Variants in DPH6 observed in about 807,000 individuals in gnomAD.
The protein encoded by DPH6 is diphthine--ammonia ligase.
A neutral mutation model predicts 38.2 loss-of-function variants in DPH6; 33 were observed. The observed-to-expected ratio is 0.86, with a 90% CI of 0.65 to 1.15. The LOEUF is 1.15. Among genes scored for constraint, DPH6 ranks in the 50% most tolerant of loss-of-function variants. The pLI is 0.00. For missense variants in DPH6, 325 were observed against 320.0 expected (o/e 1.02, Z -0.12); for synonymous variants, 108 against 103.0 (o/e 1.05, Z -0.30).
the DPH6 span, among the ~76,000 whole-genome samples, chr15:35,167,423 C>G: frequency 4.0e-5 from 6 of 148,814 alleles, no homozygotes; most frequent in South Asian, 1.3e-3. Context: ...AGATATGTCA[C>G]TCTAACTTTC....
At chr15:35,322,391 G>A (rs1019055153) in intron 3 of DPH6, among the ~76,000 whole-genome samples, 1 of 152,214 alleles carries the variant, frequency 6.6e-6, no homozygotes, top group African/African-American at 2.4e-5. Context: ...TTCCTCCCAA[G>A]GTTAGCTTGG....
the DPH6 span, among the ~76,000 whole-genome samples, chr15:35,212,182 C>A: frequency 1.3e-5 from 2 of 152,008 alleles, no homozygotes; most frequent in Admixed American, 6.6e-5. Context: ...GCAAAACTGG[C>A]AGAGTTTTTG....
chr15:35,467,070 T>G (rs994830767), intron 3 of DPH6, among the ~76,000 whole-genome samples: 1 of 152,200 alleles, frequency 6.6e-6, no homozygotes, highest in East Asian at 1.9e-4. Flanking sequence ...CTTCCTTAAA[T>G]AATAAATTAA....
the DPH6 span, among the ~76,000 whole-genome samples, chr15:35,156,536 G>A: frequency 6.6e-6 from 1 of 152,186 alleles, no homozygotes; most frequent in Non-Finnish European, 1.5e-5. Context: ...AGGGGGTAGA[G>A]GATGGAAAGG....
chr15:35,466,818 T>C (rs1003908214), intron 3 of DPH6, among the ~76,000 whole-genome samples: 2 of 152,156 alleles, frequency 1.3e-5, no homozygotes, highest in Non-Finnish European at 2.9e-5. Flanking sequence ...CAATGGTAAA[T>C]ATTTGGGTAT....
At chr15:35,384,018 T>A (rs1248500703) in intron 6 of DPH6, among the ~76,000 whole-genome samples, 1 of 152,240 alleles carries the variant, frequency 6.6e-6, no homozygotes, top group African/African-American at 2.4e-5. Context: ...GACACTTATT[T>A]ATGGTGTACA....
At chr15:35,309,385 T>A (rs1433323497) in intron 3 of DPH6, among the ~76,000 whole-genome samples, 1 of 152,220 alleles carries the variant, frequency 6.6e-6, no homozygotes, top group Non-Finnish European at 1.5e-5. Flanking sequence ...CAACCCATCC[T>A]AGAGCTAGCA....
intron 6 of DPH6, chr15:35,400,826 T>C (rs1464262569): frequency 3.9e-6 from 3 of 767,160 alleles, no homozygotes; most frequent in Non-Finnish European, 7.1e-6. Flanking sequence ...TGTGTGATAA[T>C]GAGAGATCCA....
At chr15:35,198,747 T>G in the DPH6 span, among the ~76,000 whole-genome samples, 1 of 152,228 alleles carries the variant, frequency 6.6e-6, no homozygotes, top group Non-Finnish European at 1.5e-5. Flanking sequence ...AAAATCATCA[T>G]GCAAGAAAGT....
intron 3 of DPH6, among the ~76,000 whole-genome samples, chr15:35,281,111 C>A (rs914923464): frequency 7.9e-5 from 12 of 152,064 alleles, no homozygotes; most frequent in African/African-American, 2.2e-4. Flanking sequence ...CCCCTCCCCC[C>A]ACAAATATGA....
At chr15:35,381,725 T>C in intron 7 of DPH6, 97 bp downstream of exon 7, 1 of 885,718 alleles carries the variant, frequency 1.1e-6, no homozygotes, top group Non-Finnish European at 1.8e-6. Context: ...AGACATGTTC[T>C]ATTTTTCCCA....
At chr15:35,436,855 C>T (rs759526598) in intron 5 of DPH6, among the ~76,000 whole-genome samples, 6 of 151,316 alleles carry the variant, frequency 4.0e-5, no homozygotes, top group South Asian at 2.1e-4. Flanking sequence ...GCCAGGACAC[C>T]CTTTTCTCTC....
intron 3 of DPH6, among the ~76,000 whole-genome samples, chr15:35,291,697 T>C (rs1312387807): frequency 6.6e-6 from 1 of 152,194 alleles, no homozygotes; most frequent in African/African-American, 2.4e-5. Context: ...CTACAAAAGA[T>C]GATGTGATAT....
intron 6 of DPH6, among the ~76,000 whole-genome samples, chr15:35,386,676 A>T (rs1423270879): frequency 1.3e-5 from 2 of 152,090 alleles, no homozygotes. Context: ...TTCTTTGCCA[A>T]TTTTTTGATG....
At chr15:35,362,961 C>CT (rs1298085704) in intron 3 of DPH6, among the ~76,000 whole-genome samples, 1 of 152,162 alleles carries the variant, frequency 6.6e-6, no homozygotes, top group Non-Finnish European at 1.5e-5. Flanking sequence ...TTCTAGCCAT[C>CT]TTTTTTATTA....
At chr15:35,289,761 G>A (rs933063134) in intron 3 of DPH6, among the ~76,000 whole-genome samples, 2 of 152,172 alleles carry the variant, frequency 1.3e-5, no homozygotes, top group African/African-American at 4.8e-5. Context: ...CTTTATGAAT[G>A]TTTCCTGAAA....
intron 3 of DPH6, among the ~76,000 whole-genome samples, chr15:35,276,944 T>A (rs1160185822): frequency 6.6e-6 from 1 of 152,062 alleles, no homozygotes; most frequent in Non-Finnish European, 1.5e-5. Context: ...ATTTTAGGAT[T>A]TTTTTTCTGA....
At chr15:35,495,598 A>C (rs1415323967) in intron 3 of DPH6, among the ~76,000 whole-genome samples, 1 of 152,202 alleles carries the variant, frequency 6.6e-6, no homozygotes, top group African/African-American at 2.4e-5. Flanking sequence ...AAGAAGGCCC[A>C]AATAAATGGA....
intron 6 of DPH6, among the ~76,000 whole-genome samples, chr15:35,403,282 TCTG>T (rs957541855): frequency 2.0e-5 from 3 of 152,266 alleles, no homozygotes; most frequent in South Asian, 2.1e-4. Context: ...TTTTTATTTT[TCTG>T]CTGTTTTGTT....
Sources: gnomAD v4.1 joint callset for allele counts (sites outside exome capture counted in the v4.1 genomes callset) on GRCh38, gnomAD v4.1.1 for gene constraint, MANE v1.5 for transcripts, NCBI Gene and HGNC (gene_info 2026-07-23, HGNC 2026-07-21) for gene names.